RFC1: variants seen among roughly 807,000 people sequenced by gnomAD.
RFC1 encodes replication factor C subunit 1.
RFC1 carries 37 observed loss-of-function variants against 137.4 expected under a neutral mutation model. The observed-to-expected ratio is 0.27, with a 90% CI of 0.21 to 0.35. The LOEUF is 0.35. Ranked by LOEUF, RFC1 falls within the 10% of genes least tolerant of loss-of-function variation. The probability of loss-of-function intolerance (pLI) is 1.00; values close to 1 mark genes in which losing one functional copy is unlikely to be tolerated. For missense variants in RFC1, 1,205 were observed against 1,358.5 expected (o/e 0.89, Z 1.78); for synonymous variants, 429 against 455.7 (o/e 0.94, Z 0.75).
intron 4 of RFC1, chr4:39,341,718 G>C: frequency 4.4e-6 from 2 of 455,050 alleles, no homozygotes; most frequent in South Asian, 3.1e-5. Flanking sequence ...ACTTATCTGA[G>C]TTTTTCTCCT....
At position 39,365,401 on chromosome 4, in the gene RFC1, T is replaced by C. The variant is rs1288011882; in HGVS notation, c.3+838A>G. On this transcript the variant is annotated intron_variant, in intron 1 of 24. Coordinates refer to ENST00000349703, the MANE Select transcript of RFC1 (RefSeq NM_002913.5). ...GATTGTTAAGTATCTTCTAGCTTAA[T>C]GAACATTTTAAATGGTCCTTTAAAA... The C allele has an allele frequency of 1.4e-5, 13 of 903,574 alleles. No individual in the cohort carries two copies. In the South Asian group the frequency reaches 6.1e-4, roughly 42 times the overall value. The allele number at this position is 903,574 out of a possible 1,614,324, so 56.0% of individuals were successfully genotyped here.
intron 23 of RFC1, 74 bp from the exon 24 acceptor site, chr4:39,290,113 A>G (rs1737588989): frequency 8.8e-7 from 1 of 1,131,204 alleles, no homozygotes; most frequent in African/African-American, 1.6e-5. Flanking sequence ...GTAAGCCTAA[A>G]GAGACCCTGG....
In RFC1 at chr4:39,316,898, C is replaced by T; in HGVS notation, c.1203+17G>A. The T allele has an allele frequency of 6.5e-7, 1 of 1,535,216 alleles. No homozygotes were observed. The highest frequency in any genetic ancestry group is 9.0e-7 in the Non-Finnish European group (1 of 1,108,716). On this transcript the variant is annotated intron_variant, in intron 10 of 24. Transcript: ENST00000349703. The stretch of plus-strand genomic sequence containing the variant: ...CAGAGGCCCTCACAGAATGGCATGC[C>T]CTCTCAGTACTCTTACCTTTGGTAT...
chr4:39,343,957 T>C (rs1740727471), intron 3 of RFC1, among the ~76,000 whole-genome samples: 1 of 151,880 alleles, frequency 6.6e-6, no homozygotes, highest in African/African-American at 2.4e-5. Context: ...TACTAAAAGC[T>C]ACAAAAATTA....
intron 4 of RFC1, among the ~76,000 whole-genome samples, chr4:39,331,961 C>T (rs1740124989): frequency 6.6e-6 from 1 of 152,082 alleles, no homozygotes; most frequent in African/African-American, 2.4e-5. Flanking sequence ...ATCATGGGGA[C>T]AGGTCTTTCC....
intron 1 of RFC1, among the ~76,000 whole-genome samples, chr4:39,356,953 G>A (rs149029485): frequency 1.2e-4 from 18 of 152,260 alleles, no homozygotes; most frequent in African/African-American, 3.6e-4. Flanking sequence ...TTAAGAGCCC[G>A]CATCAACTTT....
chr4:39,347,133 T>G (rs1268692442), intron 2 of RFC1, among the ~76,000 whole-genome samples: 1 of 152,272 alleles, frequency 6.6e-6, no homozygotes, highest in East Asian at 1.9e-4. Context: ...GCTAATTTCA[T>G]ATGTGAACCT....
intron 2 of RFC1, 44 bp downstream of exon 2, chr4:39,351,304 A>AT (rs1741189181): frequency 1.3e-6 from 1 of 799,026 alleles, no homozygotes. Context: ...AACTGAGTTT[A>AT]TTTTACATTT....
chr4:39,299,673 C>T (rs998655163), intron 21 of RFC1, among the ~76,000 whole-genome samples: 3 of 149,648 alleles, frequency 2.0e-5, no homozygotes, highest in Admixed American at 2.0e-4. Flanking sequence ...AGGAAACAGA[C>T]GATAGTTACC....
chr4:39,320,671 T>C lies in RFC1; in HGVS notation c.809-2A>G, dbSNP rs780638259. On this transcript the variant is annotated splice_acceptor_variant, in intron 8 of 24. Coordinates refer to ENST00000349703, the MANE Select transcript of RFC1 (RefSeq NM_002913.5). LOFTEE classifies it high-confidence loss of function. ...CATCTGAAACTTGTGCTGTTTTTAC[T>C]AGGAAGAAAGAAAAGATTATGGTTG... The C allele has an allele frequency of 1.3e-6, 2 of 1,566,180 alleles. No individual in the cohort carries two copies. Among genetic ancestry groups the C allele is most frequent in the Non-Finnish European group, 8.6e-7 (1 of 1,164,006 alleles).
At chr4:39,363,762 C>A (rs954416190) in intron 1 of RFC1, among the ~76,000 whole-genome samples, 34 of 151,850 alleles carry the variant, frequency 2.2e-4, no homozygotes, top group African/African-American at 7.7e-4. Context: ...CATGGTGGCA[C>A]ACACCTGTAT....
chr4:39,298,137 C>T (rs969742590), intron 21 of RFC1, among the ~76,000 whole-genome samples: 2 of 152,026 alleles, frequency 1.3e-5, no homozygotes, highest in Non-Finnish European at 2.9e-5. Flanking sequence ...GGCGAAACCC[C>T]GTCTCTACAA....
At chr4:39,335,926 A>T (rs1009501298) in intron 4 of RFC1, among the ~76,000 whole-genome samples, 1 of 152,140 alleles carries the variant, frequency 6.6e-6, no homozygotes, top group Non-Finnish European at 1.5e-5. Context: ...ACATAATCCT[A>T]CTTCCTTGGC....
chr4:39,324,159 A>G (rs1415440019), intron 6 of RFC1, among the ~76,000 whole-genome samples: 2 of 152,228 alleles, frequency 1.3e-5, no homozygotes, highest in Non-Finnish European at 2.9e-5. Flanking sequence ...GTGATATTCA[A>G]TAAAAAACAC....
At chr4:39,351,036 G>T (rs1384334754) in intron 2 of RFC1, among the ~76,000 whole-genome samples, 3 of 151,902 alleles carry the variant, frequency 2.0e-5, no homozygotes, top group African/African-American at 4.8e-5. Context: ...AGATCACGAG[G>T]TCAGGAGATC....
At chr4:39,329,869 T>C (rs2109695587) in intron 4 of RFC1, among the ~76,000 whole-genome samples, 1 of 152,206 alleles carries the variant, frequency 6.6e-6, no homozygotes, top group South Asian at 2.1e-4. Flanking sequence ...AGCCCGTCTC[T>C]ACTAAAAACA....
In RFC1 at chr4:39,306,584, G is replaced by T. The variant is rs141619871; in HGVS notation, c.1995+8C>A. 1.3e-6 allele frequency: 2 copies of T among 1,502,398 alleles called. No homozygotes were observed. The highest frequency in any genetic ancestry group is 2.3e-5 in the South Asian group (2 of 88,776). 93.1% of individuals were successfully genotyped at this position (1,502,398 alleles called of 1,614,324 possible). On this transcript the variant is annotated splice_region_variant and intron_variant, in intron 14 of 24. Coordinates refer to ENST00000349703, the MANE Select transcript of RFC1 (RefSeq NM_002913.5). ...ATCTGTCCGACCACACTGTGACAAC[G>T]CACCCACCTGACACACCAGGGAAGC... is the stretch of plus-strand genomic sequence containing the variant.
intron 2 of RFC1, among the ~76,000 whole-genome samples, chr4:39,350,745 C>A (rs1741141549): frequency 6.6e-6 from 1 of 152,150 alleles, no homozygotes; most frequent in Admixed American, 6.5e-5. Flanking sequence ...AAACAAAATT[C>A]TTCAAGTTGA....
rs201195147 is a variant in RFC1 at position 39,302,762 on chromosome 4, T to G, written c.2315A>C (p.Gln772Pro). The change falls in exon 17 of 25, where the codon CAA (glutamine) becomes CCA (proline). Residue 772 changes from glutamine to proline, a missense_variant. Physicochemically the swap from Gln to Pro is moderately conservative, Grantham distance 76. Transcript: ENST00000349703. ...LVHYCFDLRF[Q>P]RPRVEQIKGA... is the part of the protein sequence containing the mutation. ...CTTAATCTGTTCAACCCGAGGTCTT[T>G]GAAAACGAAGATCAAAACAATAATG... The G allele has an allele frequency of 1.9e-6, 3 of 1,597,576 alleles. No homozygotes were observed. Among genetic ancestry groups the G allele is most frequent in the South Asian group, 2.3e-5 (2 of 86,622 alleles).
Sources: gnomAD v4.1 joint callset for allele counts (sites outside exome capture counted in the v4.1 genomes callset) on GRCh38, gnomAD v4.1.1 for gene constraint, MANE v1.5 for transcripts, NCBI Gene and HGNC (gene_info 2026-07-23, HGNC 2026-07-21) for gene names.